HACE1: variants seen among roughly 807,000 people sequenced by gnomAD.
HACE1 encodes E3 ubiquitin-protein ligase HACE1.
HACE1 carries 73 observed loss-of-function variants against 118.4 expected under a neutral mutation model. The ratio of observed to expected loss-of-function variants is 0.62; its 90% confidence interval spans 0.51 to 0.75. The LOEUF (loss-of-function observed/expected upper bound fraction) is 0.75. Among genes scored for constraint, HACE1 ranks in the 30% least tolerant of loss-of-function variants. The probability of loss-of-function intolerance (pLI) is 0.00; values close to 1 mark genes in which losing one functional copy is unlikely to be tolerated. For missense variants in HACE1, 749 were observed against 1,102.2 expected (o/e 0.68, Z 4.54); for synonymous variants, 368 against 374.8 (o/e 0.98, Z 0.21).
At chr6:104,800,481 T>C (rs77079155) in intron 7 of HACE1, among the ~76,000 whole-genome samples, 1 of 152,030 alleles carries the variant, frequency 6.6e-6, no homozygotes, top group Non-Finnish European at 1.5e-5. Flanking sequence ...AGACACCTCA[T>C]ATAGGCGGGT....
At chr6:104,856,341 T>C (rs2114386039) in intron 1 of HACE1, among the ~76,000 whole-genome samples, 1 of 152,316 alleles carries the variant, frequency 6.6e-6, no homozygotes, top group Admixed American at 6.5e-5. Context: ...TATGCTAAAA[T>C]GGGCTCAAAT....
intron 22 of HACE1, among the ~76,000 whole-genome samples, chr6:104,737,108 A>T (rs1775932346): frequency 6.9e-6 from 1 of 145,300 alleles, no homozygotes; most frequent in African/African-American, 2.7e-5. Context: ...CGATGGTGAA[A>T]CCTCATCTCT....
chr6:104,734,612 CGTGTT>C (rs1775615608), intron 22 of HACE1, among the ~76,000 whole-genome samples: 1 of 152,110 alleles, frequency 6.6e-6, no homozygotes, highest in South Asian at 2.1e-4. Context: ...AAGCTAGCTC[CGTGTT>C]GTTTCCCCTC....
intron 19 of HACE1, among the ~76,000 whole-genome samples, chr6:104,753,694 C>G (rs2895594): frequency 0.35 from 52,474 of 152,004 alleles, 9,222 homozygotes; most frequent in African/African-American, 0.42. Context: ...AAAAACAAAT[C>G]AACAGAAAAC....
chr6:104,794,918 G>GTA (rs1236867277), intron 10 of HACE1, among the ~76,000 whole-genome samples: 1 of 151,598 alleles, frequency 6.6e-6, no homozygotes, highest in Non-Finnish European at 1.5e-5. Flanking sequence ...AAAAATAATT[G>GTA]TATATATGTG....
chr6:104,833,617 G>T (rs569449873), intron 5 of HACE1, among the ~76,000 whole-genome samples: 8 of 152,318 alleles, frequency 5.3e-5, no homozygotes, highest in African/African-American at 1.9e-4. Flanking sequence ...GTTGAGGCAA[G>T]AGGATTGCTT....
chr6:104,762,377 T>G (rs921730495), intron 19 of HACE1, among the ~76,000 whole-genome samples: 1 of 152,108 alleles, frequency 6.6e-6, no homozygotes, highest in Non-Finnish European at 1.5e-5. Context: ...CCATAAAAAA[T>G]GGTGAGTTCA....
chr6:104,852,946 T>C (rs2114337313), intron 1 of HACE1, among the ~76,000 whole-genome samples: 1 of 152,344 alleles, frequency 6.6e-6, no homozygotes. Context: ...ACTGAAGTCT[T>C]CATTGTACTT....
At chr6:104,766,188 G>A (rs532338001) in intron 19 of HACE1, among the ~76,000 whole-genome samples, 11 of 152,160 alleles carry the variant, frequency 7.2e-5, no homozygotes, top group African/African-American at 1.7e-4. Context: ...TGGCATATGC[G>A]TCCTGCACAT....
At chr6:104,737,993 A>G (rs1776123885) in intron 22 of HACE1, among the ~76,000 whole-genome samples, 2 of 152,146 alleles carry the variant, frequency 1.3e-5, no homozygotes, top group South Asian at 2.1e-4. Context: ...GAACGGGCAG[A>G]CTGCCTCAAG....
intron 6 of HACE1, among the ~76,000 whole-genome samples, chr6:104,831,911 A>G (rs1219453699): frequency 1.7e-5 from 2 of 120,122 alleles, no homozygotes; most frequent in Non-Finnish European, 1.8e-5. Context: ...GAGAGAAAGA[A>G]AAGAGAAAGA....
chr6:104,819,992 CGA>C (rs1772521054), intron 6 of HACE1, among the ~76,000 whole-genome samples: 1 of 151,986 alleles, frequency 6.6e-6, no homozygotes, highest in South Asian at 2.1e-4. Flanking sequence ...GTCAAGAGTT[CGA>C]GACCACCCTG....
intron 13 of HACE1, 52 bp from the exon 14 acceptor site, chr6:104,784,225 G>A (rs533524296): frequency 9.6e-7 from 1 of 1,042,266 alleles, no homozygotes; most frequent in East Asian, 2.4e-5. Flanking sequence ...GTAGCATTAA[G>A]TGAAATGCAA....
In HACE1 at chr6:104,859,647, G is replaced by T; in HGVS notation, c.-5C>A. ...TTGCTCCATCGCTCTCTCCATCCTCGGCGCGCCCTCCGCGATCCTCCGCGA... is the reference window on the plus strand; with the variant it reads ...TTGCTCCATCGCTCTCTCCATCCTCTGCGCGCCCTCCGCGATCCTCCGCGA... On this transcript the variant is annotated 5_prime_UTR_variant, in exon 1 of 24. Transcript: ENST00000262903. 3.9e-6 allele frequency: 6 copies of T among 1,531,436 alleles called. No individual in the cohort carries two copies. The highest frequency in any genetic ancestry group is 4.4e-6 in the Non-Finnish European group (5 of 1,142,642). The allele number at this position is 1,531,436 out of a possible 1,614,324, so 94.9% of individuals were successfully genotyped here.
Position 104,855,877 on chromosome 6 carries a change from CATA to C in HACE1, c.77-3509_77-3507del, listed in dbSNP as rs371046311. On this transcript the variant is annotated intron_variant, in intron 1 of 23. Transcript: ENST00000262903. ...ATAATTTTAAGTGAGCGTTAGTGAG[CATA>C]ATAAGGTTCACAATGGTTGTACTTG... is the stretch of plus-strand genomic sequence containing the variant. Among the ~76,000 whole-genome samples, 42 of 152,172 alleles carry C rather than the reference CATA, an allele frequency of 2.8e-4. No individual in the cohort carries two copies. The East Asian group carries it at 5.4e-3, about 20-fold the overall frequency.
intron 22 of HACE1, among the ~76,000 whole-genome samples, chr6:104,740,455 C>T (rs1241812553): frequency 6.6e-6 from 1 of 152,120 alleles, no homozygotes; most frequent in Non-Finnish European, 1.5e-5. Flanking sequence ...CAAATAGATG[C>T]ACTAAAAAAT....
chr6:104,735,323 A>T (rs1176637015), intron 22 of HACE1, among the ~76,000 whole-genome samples: 1 of 152,136 alleles, frequency 6.6e-6, no homozygotes, highest in Non-Finnish European at 1.5e-5. Flanking sequence ...ACTATATAAA[A>T]TAAATTATAT....
intron 6 of HACE1, among the ~76,000 whole-genome samples, chr6:104,827,679 A>C (rs1410196222): frequency 1.3e-5 from 2 of 152,136 alleles, no homozygotes; most frequent in Non-Finnish European, 2.9e-5. Flanking sequence ...GCTGAATCTA[A>C]TTAATGTCTG....
intron 6 of HACE1, among the ~76,000 whole-genome samples, chr6:104,831,977 A>AGAGAAGAGAAGAGAGGAGAG: frequency 2.1e-5 from 1 of 48,380 alleles, no homozygotes; most frequent in South Asian, 6.3e-4. Flanking sequence ...AGAGAAGAGA[A>AGAGAAGAGAAGAGAGGAGAG]GAGAGGAAGG....
Sources: allele counts gnomAD v4.1 joint callset (sites outside exome capture counted in the v4.1 genomes callset), GRCh38; gene constraint gnomAD v4.1.1; transcripts MANE v1.5; gene names NCBI Gene and HGNC (gene_info 2026-07-23, HGNC 2026-07-21).